NEDD9: variants seen among roughly 807,000 people sequenced by gnomAD.
NEDD9 encodes the protein enhancer of filamentation 1.
In NEDD9, 26 loss-of-function variants were observed where a neutral mutation model predicts 76.6. The observed-to-expected ratio is 0.34, with a 90% confidence interval of 0.25 to 0.47. NEDD9 has a LOEUF of 0.47. NEDD9 is among the 20% of genes least tolerant of loss of function. NEDD9 has a pLI of 1.00. For missense variants in NEDD9, 937 were observed against 1,058.5 expected (o/e 0.89, Z 1.59); for synonymous variants, 392 against 414.2 (o/e 0.95, Z 0.65).
rs1297637143 is a variant in NEDD9 at position 11,205,820 on chromosome 6, G to A, written c.459+7461C>T. On this transcript the variant is annotated intron_variant, in intron 2 of 6. Transcript: ENST00000379446. The stretch of plus-strand genomic sequence containing the variant: ...TTTTTTTGTATTTAGTGGAGACGGG[G>A]TTTCATGGTATCAGTCAGACTGGTT... Among the ~76,000 whole-genome samples the A allele has an allele frequency of 2.6e-5, 4 of 152,092 alleles. No individual in the cohort carries two copies. The South Asian group carries it at 8.3e-4, about 32-fold the overall frequency.
At chr6:11,236,483 C>T (rs753610268), upstream of NEDD9, among the ~76,000 whole-genome samples, 17 of 152,180 alleles carry the variant, frequency 1.1e-4, no homozygotes, top group East Asian at 7.7e-4. This position sits in a 1 kb window ranked among gnomAD's most constrained non-coding sequence, Gnocchi z 5.5. Flanking sequence ...AATGAACCCA[C>T]GTGACTGCTC....
chr6:11,298,089 G>A (rs1194417953), intron 3 of NEDD9, among the ~76,000 whole-genome samples: 1 of 151,954 alleles, frequency 6.6e-6, no homozygotes, highest in Non-Finnish European at 1.5e-5. Flanking sequence ...TCTATTTTTA[G>A]TAGAGATGGG....
At chr6:11,262,911 C>T (rs1760141299) in intron 3 of NEDD9, among the ~76,000 whole-genome samples, 1 of 152,166 alleles carries the variant, frequency 6.6e-6, no homozygotes, top group African/African-American at 2.4e-5. Context: ...AATTCTCACC[C>T]AATACAATTT....
At chr6:11,217,502 G>A (rs1035262825) in intron 1 of NEDD9, among the ~76,000 whole-genome samples, 1 of 152,216 alleles carries the variant, frequency 6.6e-6, no homozygotes, top group East Asian at 1.9e-4. Flanking sequence ...TCACTTGGAT[G>A]GTTAGTCTCC....
chr6:11,198,080 C>T lies in NEDD9; in HGVS notation c.460-4388G>A, dbSNP rs989199560. 6.6e-6 allele frequency among the ~76,000 whole-genome samples: 1 copy of T among 151,936 alleles called. No homozygotes were observed. The highest frequency in any genetic ancestry group is 2.4e-5 in the African/African-American group (1 of 41,340). On this transcript the variant is annotated intron_variant, in intron 2 of 6. Coordinates refer to ENST00000379446, the MANE Select transcript of NEDD9 (RefSeq NM_006403.4). This position sits in a 1 kb window ranked among gnomAD's most constrained non-coding sequence, Gnocchi z 4.7. ...GAAGAAACAAGCCAGGCTTTGGTGCCGGGGAGACAGAACTCCTTCTACCGA... is the reference window on the plus strand; with the variant it reads ...GAAGAAACAAGCCAGGCTTTGGTGCTGGGGAGACAGAACTCCTTCTACCGA...
intron 3 of NEDD9, among the ~76,000 whole-genome samples, chr6:11,239,493 C>T (rs1759667456): frequency 6.6e-6 from 1 of 152,186 alleles, no homozygotes; most frequent in Non-Finnish European, 1.5e-5. Flanking sequence ...CACTTCAAGG[C>T]AATAAACCTC....
chr6:11,187,139 G>A (rs1038404906), intron 6 of NEDD9, among the ~76,000 whole-genome samples: 1 of 150,084 alleles, frequency 6.7e-6, no homozygotes, highest in Admixed American at 6.7e-5. Context: ...GATGGGGGGG[G>A]TACTTTCCCA....
At chr6:11,238,605 GGCTCT>G (rs1759654230) in intron 3 of NEDD9, among the ~76,000 whole-genome samples, 1 of 152,120 alleles carries the variant, frequency 6.6e-6, no homozygotes, top group Non-Finnish European at 1.5e-5. Context: ...CCCACTTCGT[GGCTCT>G]GCTTACCTAC....
At chr6:11,277,637 G>A in intron 3 of NEDD9, among the ~76,000 whole-genome samples, 1 of 152,154 alleles carries the variant, frequency 6.6e-6, no homozygotes, top group East Asian at 1.9e-4. Context: ...AAGGAGGCTA[G>A]GACATCTTAA....
At chr6:11,253,690 A>G (rs1202672698) in intron 3 of NEDD9, among the ~76,000 whole-genome samples, 7 of 152,246 alleles carry the variant, frequency 4.6e-5, no homozygotes, top group African/African-American at 1.7e-4. Flanking sequence ...AACTATTACC[A>G]AAGTCCATTC....
At chr6:11,320,434 C>T (rs1262884054) in intron 2 of NEDD9, among the ~76,000 whole-genome samples, 1 of 152,110 alleles carries the variant, frequency 6.6e-6, no homozygotes, top group Non-Finnish European at 1.5e-5. Flanking sequence ...TCCCGTTGCA[C>T]TATTGGTGGA....
intron 2 of NEDD9, among the ~76,000 whole-genome samples, chr6:11,325,605 T>C (rs1249879802): frequency 6.6e-6 from 1 of 152,156 alleles, no homozygotes; most frequent in Non-Finnish European, 1.5e-5. Flanking sequence ...TGGCATTAAA[T>C]AGCGAATAAG....
chr6:11,286,689 T>C (rs1251695872), intron 3 of NEDD9, among the ~76,000 whole-genome samples: 1 of 152,218 alleles, frequency 6.6e-6, no homozygotes, highest in Non-Finnish European at 1.5e-5. Flanking sequence ...CAAATCAAAG[T>C]AACTATTCTG....
chr6:11,219,704 A>G (rs1759082110), intron 1 of NEDD9, among the ~76,000 whole-genome samples: 1 of 152,260 alleles, frequency 6.6e-6, no homozygotes, highest in South Asian at 2.1e-4. Flanking sequence ...AGAAAGGCTC[A>G]CGTGCTTTTG....
At chr6:11,289,754 A>G (rs373150241) in intron 3 of NEDD9, among the ~76,000 whole-genome samples, 64 of 152,002 alleles carry the variant, frequency 4.2e-4, no homozygotes, top group African/African-American at 1.5e-3. Flanking sequence ...CCTGGCCAGC[A>G]GATATTATTT....
At chr6:11,371,240 C>T (rs1762868834) in intron 1 of NEDD9, among the ~76,000 whole-genome samples, 1 of 152,342 alleles carries the variant, frequency 6.6e-6, no homozygotes, top group East Asian at 1.9e-4. Context: ...CAGACTGGCA[C>T]ATTTGCTACA....
chr6:11,337,080 T>C (rs1051430775), intron 1 of NEDD9, among the ~76,000 whole-genome samples: 6 of 152,118 alleles, frequency 3.9e-5, no homozygotes, highest in Non-Finnish European at 7.3e-5. Context: ...TATCTGGACG[T>C]GGTGGAGCAT....
At chr6:11,259,038 G>A (rs1290821985) in intron 3 of NEDD9, 1 of 152,282 alleles carries the variant, frequency 6.6e-6, no homozygotes, top group East Asian at 1.9e-4. Flanking sequence ...AGGTCAGGAG[G>A]GAAACATGCC....
intron 3 of NEDD9, among the ~76,000 whole-genome samples, chr6:11,285,526 G>A (rs964703548): frequency 1.3e-5 from 2 of 151,882 alleles, no homozygotes; most frequent in African/African-American, 4.8e-5. Flanking sequence ...AAAGGACCTA[G>A]AACAGCACAA....
Sources: allele counts gnomAD v4.1 joint callset (sites outside exome capture counted in the v4.1 genomes callset), GRCh38; gene constraint gnomAD v4.1.1; non-coding constraint Gnocchi (gnomAD v3.1); transcripts MANE v1.5; gene names NCBI Gene and HGNC (gene_info 2026-07-23, HGNC 2026-07-21).